The following SLC30A8 variants were observed in gnomAD, a reference collection of about 807,000 sequenced individuals.
SLC30A8 encodes proton-coupled zinc antiporter SLC30A8.
SLC30A8 carries 27 observed loss-of-function variants against 36.9 expected under a neutral mutation model. That is an observed-to-expected ratio of 0.73 (90% CI 0.54 to 1.01). SLC30A8 has a LOEUF of 1.01. SLC30A8 is among the 50% of genes least tolerant of loss of function. The pLI, the probability that SLC30A8 is intolerant of heterozygous loss-of-function variation, is 0.00. For missense variants in SLC30A8, 439 were observed against 452.0 expected (o/e 0.97, Z 0.26); for synonymous variants, 164 against 172.4 (o/e 0.95, Z 0.38).
chr8:117,152,754 T>C (rs1190252209), intron 2 of SLC30A8, among the ~76,000 whole-genome samples, 190 bp from the exon 3 acceptor site: 1 of 152,214 alleles, frequency 6.6e-6, no homozygotes, highest in East Asian at 1.9e-4. Flanking sequence ...TCCTTTGAAA[T>C]TGATTTCTAC....
At chr8:116,966,698 A>G (rs958403579) in intron 1 of SLC30A8, among the ~76,000 whole-genome samples, 15 of 152,332 alleles carry the variant, frequency 9.8e-5, no homozygotes, top group African/African-American at 3.4e-4. Flanking sequence ...GAGTAATAAG[A>G]ATCTCAGTTC....
chr8:117,141,401 A>T (rs1821647580), intron 1 of SLC30A8, among the ~76,000 whole-genome samples: 1 of 152,176 alleles, frequency 6.6e-6, no homozygotes, highest in Non-Finnish European at 1.5e-5. Context: ...TATTAATAGG[A>T]TACAGAACAA....
At chr8:117,090,600 G>T (rs1819075118) in intron 2 of SLC30A8, among the ~76,000 whole-genome samples, 1 of 152,120 alleles carries the variant, frequency 6.6e-6, no homozygotes, top group African/African-American at 2.4e-5. Flanking sequence ...CTTAATAAGG[G>T]CACTAATCCC....
chr8:117,068,870 T>C (rs987767160), intron 2 of SLC30A8, among the ~76,000 whole-genome samples: 10 of 152,122 alleles, frequency 6.6e-5, no homozygotes, highest in Non-Finnish European at 8.8e-5. Flanking sequence ...AGCCACTACA[T>C]GTGGCAACCA....
intron 2 of SLC30A8, among the ~76,000 whole-genome samples, chr8:117,117,909 C>T (rs950874674): frequency 1.3e-5 from 2 of 151,910 alleles, no homozygotes; most frequent in Non-Finnish European, 2.9e-5. Flanking sequence ...TTGAAAAGGA[C>T]AATCCAAGTT....
intron 1 of SLC30A8, among the ~76,000 whole-genome samples, chr8:116,961,688 C>T (rs952208560): frequency 6.6e-6 from 1 of 151,930 alleles, no homozygotes; most frequent in African/African-American, 2.4e-5. Context: ...GCCCTGGCCT[C>T]TGGGGAGGGC....
chr8:117,128,734 A>G lies in SLC30A8; in HGVS notation c.-225-6546A>G, dbSNP rs571698920. 5.3e-5 allele frequency among the ~76,000 whole-genome samples: 8 copies of G among 152,222 alleles called. No individual in the cohort carries two copies. The South Asian group carries it at 1.5e-3, about 28-fold the overall frequency. On this transcript the variant is annotated intron_variant, in intron 2 of 10. Coordinates refer to the SLC30A8 transcript ENST00000427715. ...AAGAAATAACTTCTCAATCCTTAGC[A>G]TAAATAGTGTACACAACAAAATACT...
chr8:117,110,080 T>C (rs903443217), intron 2 of SLC30A8, among the ~76,000 whole-genome samples: 4 of 152,132 alleles, frequency 2.6e-5, no homozygotes, highest in African/African-American at 7.2e-5. Flanking sequence ...CCTTGTAAGA[T>C]AGATACACCT....
chr8:117,147,102 C>G lies in SLC30A8; in HGVS notation c.220C>G (p.Leu74Val), dbSNP rs189800066. 6.2e-7 allele frequency: 1 copy of G among 1,614,136 alleles called. No homozygotes were observed. The highest frequency in any genetic ancestry group is 2.2e-5 in the East Asian group (1 of 44,878). The change falls in exon 2 of 8, where the codon CTC becomes GTC. Residue 74 changes from leucine (L) to valine (V), a missense_variant. Transcript: ENST00000456015. ...TGAGTACGCCTATGCCAAGTGGAAACTCTGTTCTGCTTCAGCAATATGCTT... is the reference window on the plus strand; with the variant it reads ...TGAGTACGCCTATGCCAAGTGGAAAGTCTGTTCTGCTTCAGCAATATGCTT... ...ANEYAYAKWK[L>V]CSASAICFIF...
intron 2 of SLC30A8, among the ~76,000 whole-genome samples, chr8:117,115,019 C>T (rs1456282765): frequency 1.3e-5 from 2 of 152,096 alleles, no homozygotes; most frequent in Admixed American, 6.6e-5. Flanking sequence ...GGTGATTCTC[C>T]TGTCTCAGCC....
chr8:116,965,072 G>C lies in SLC30A8; in HGVS notation c.-266+13953G>C, dbSNP rs556789682. Among the ~76,000 whole-genome samples the C allele has an allele frequency of 1.8e-3, 279 of 152,322 alleles. 1 individual carries two copies. Among genetic ancestry groups the C allele is most frequent in the African/African-American group, 6.4e-3 (268 of 41,566 alleles). ...CTGCCTCTGCCTCCCAAGTAGCTGA[G>C]ATTACAGGCGTGCACCATCATGCTC... On this transcript the variant is annotated intron_variant, in intron 1 of 10. Transcript: ENST00000427715.
intron 2 of SLC30A8, among the ~76,000 whole-genome samples, chr8:117,124,219 A>C (rs1318407806): frequency 6.6e-6 from 1 of 151,948 alleles, no homozygotes. Context: ...GTCTAGGGAG[A>C]TGAATCTTTA....
intron 2 of SLC30A8, among the ~76,000 whole-genome samples, chr8:117,040,916 C>A (rs1308565226): frequency 6.6e-6 from 1 of 152,022 alleles, no homozygotes; most frequent in East Asian, 1.9e-4. Flanking sequence ...CATATATGCA[C>A]GTGAAAATGG....
intron 1 of SLC30A8, among the ~76,000 whole-genome samples, chr8:116,979,265 GA>G (rs1371854524): frequency 9.7e-6 from 1 of 102,772 alleles, no homozygotes; most frequent in Non-Finnish European, 2.0e-5. Context: ...AAAAAAAAAA[GA>G]AAACAAATCA....
chr8:117,014,910 T>C (rs1051489184), intron 1 of SLC30A8, among the ~76,000 whole-genome samples: 5 of 152,128 alleles, frequency 3.3e-5, no homozygotes, highest in African/African-American at 1.2e-4. Context: ...TCTCTGCTAA[T>C]ATCTGTTGTC....
intron 2 of SLC30A8, among the ~76,000 whole-genome samples, chr8:117,081,407 C>CT (rs1440188797): frequency 6.6e-6 from 1 of 152,204 alleles, no homozygotes; most frequent in Non-Finnish European, 1.5e-5. Flanking sequence ...TGACTTTTCT[C>CT]TGTGTGCAAG....
intron 1 of SLC30A8, among the ~76,000 whole-genome samples, chr8:116,962,174 A>G (rs186062725): frequency 6.6e-5 from 10 of 152,126 alleles, no homozygotes; most frequent in African/African-American, 2.4e-4. Flanking sequence ...TAGAAACTAG[A>G]TAAGTTAACT....
chr8:117,061,931 G>A (rs1818033692), intron 2 of SLC30A8, among the ~76,000 whole-genome samples: 1 of 152,204 alleles, frequency 6.6e-6, no homozygotes, highest in Non-Finnish European at 1.5e-5. Flanking sequence ...TCACAGAGAG[G>A]AATAGGGCAG....
intron 2 of SLC30A8, among the ~76,000 whole-genome samples, chr8:117,111,180 C>T (rs933656695): frequency 5.3e-5 from 8 of 152,132 alleles, no homozygotes; most frequent in African/African-American, 1.9e-4. Flanking sequence ...CAAATCCTGG[C>T]ACAAGCTAAA....
Sources: gnomAD v4.1 joint callset for allele counts (sites outside exome capture counted in the v4.1 genomes callset) on GRCh38, gnomAD v4.1.1 for gene constraint, MANE v1.5 for transcripts, NCBI Gene and HGNC (gene_info 2026-07-23, HGNC 2026-07-21) for gene names.